IPO11: variants seen among roughly 807,000 people sequenced by gnomAD.
IPO11 encodes importin 11.
IPO11 carries 66 observed loss-of-function variants against 143.2 expected under a neutral mutation model. The observed-to-expected ratio is 0.46, with a 90% CI of 0.38 to 0.57. IPO11 has a LOEUF of 0.57. IPO11 is among the 20% of genes least tolerant of loss of function. IPO11 has a pLI of 0.00. For missense variants in IPO11, 1,026 were observed against 1,141.0 expected (o/e 0.90, Z 1.45); for synonymous variants, 385 against 377.8 (o/e 1.02, Z -0.22).
At chr5:62,482,408 T>A (rs1386699879) in intron 9 of IPO11, among the ~76,000 whole-genome samples, 1 of 152,234 alleles carries the variant, frequency 6.6e-6, no homozygotes, top group African/African-American at 2.4e-5. Flanking sequence ...TTTCCTGCTT[T>A]CTCTTGTGGA....
chr5:62,414,967 T>C (rs1479930711), intron 1 of IPO11, among the ~76,000 whole-genome samples: 1 of 152,214 alleles, frequency 6.6e-6, no homozygotes, highest in African/African-American at 2.4e-5. Flanking sequence ...ATAACCCAGA[T>C]TCCAACTCAT....
chr5:62,561,245 C>T lies in IPO11; in HGVS notation c.2570C>T (p.Pro857Leu). 1 of 1,596,812 alleles carries T rather than the reference C, an allele frequency of 6.3e-7. No homozygotes were observed. Residue 857 changes from proline to leucine, a missense_variant, in exon 27 of 30, where the codon CCA becomes CTA. By Grantham distance (98) the Pro-to-Leu change is moderately conservative (BLOSUM62 -3). This residue lies in a region of IPO11 where 351 missense variants were observed against 358.9 expected (regional missense o/e 0.98). Coordinates refer to ENST00000325324, the MANE Select transcript of IPO11 (RefSeq NM_016338.5). The part of the protein sequence containing the change: ...LSALALLSLL[P>L]SDNSVIQDKF... ...GCTTTGGCTTTGCTCTCTCTTCTGC[C>T]ATCTGATAATAGGTGAGGAAATGTT...
intron 24 of IPO11, among the ~76,000 whole-genome samples, chr5:62,545,043 G>A (rs370967783): frequency 5.1e-4 from 77 of 152,166 alleles, no homozygotes; most frequent in East Asian, 3.5e-3. Context: ...TATAGATTCA[G>A]TGCCATCCCC....
intron 7 of IPO11, among the ~76,000 whole-genome samples, chr5:62,471,659 A>T (rs570782337): frequency 6.6e-5 from 10 of 152,300 alleles, no homozygotes; most frequent in African/African-American, 1.9e-4. Context: ...TCAGCATATT[A>T]CATATATTTT....
intron 28 of IPO11, among the ~76,000 whole-genome samples, chr5:62,596,477 TAGAA>T (rs1745223840): frequency 6.6e-6 from 1 of 152,094 alleles, no homozygotes; most frequent in Non-Finnish European, 1.5e-5. Flanking sequence ...GATTTATACT[TAGAA>T]AGGTCACTTT....
chr5:62,573,206 T>G lies in IPO11; in HGVS notation c.2582+11949T>G, dbSNP rs553157596. ...CTACTTTAAAGCTTTACTCTTAATT[T>G]CTCTGTCTCATTTTTTTATCCATTG... On this transcript the variant is annotated intron_variant, in intron 27 of 29. Transcript: ENST00000325324. 6.8e-4 allele frequency among the ~76,000 whole-genome samples: 104 copies of G among 152,248 alleles called. No individual in the cohort carries two copies. The South Asian group carries it at 0.021, about 30-fold the overall frequency.
chr5:62,418,221 A>G (rs1743372511), intron 1 of IPO11, among the ~76,000 whole-genome samples: 1 of 150,918 alleles, frequency 6.6e-6, no homozygotes. Context: ...GCTGGAGTGC[A>G]GTGGCACCAT....
At chr5:62,472,529 CT>C (rs11398365) in intron 7 of IPO11, among the ~76,000 whole-genome samples, 2,697 of 131,176 alleles carry the variant, frequency 0.021, 23 homozygotes, top group Non-Finnish European at 0.031. Flanking sequence ...ATATAAAAAT[CT>C]TTTTTTTTTT....
chr5:62,423,840 T>C (rs1743601517), intron 1 of IPO11, among the ~76,000 whole-genome samples: 1 of 152,208 alleles, frequency 6.6e-6, no homozygotes, highest in Non-Finnish European at 1.5e-5. Flanking sequence ...TTTTGATTAT[T>C]GTAGAACTCT....
chr5:62,581,238 T>C (rs1424568341), intron 27 of IPO11: 9 of 1,542,094 alleles, frequency 5.8e-6, no homozygotes, highest in Non-Finnish European at 7.9e-6. Context: ...TGGAGCAGAT[T>C]CGACTTCATA....
intron 19 of IPO11, among the ~76,000 whole-genome samples, chr5:62,509,989 G>C (rs1293554770): frequency 6.6e-6 from 1 of 152,154 alleles, no homozygotes; most frequent in African/African-American, 2.4e-5. Context: ...TTCCATAGTG[G>C]CTGTAACATT....
chr5:62,486,085 A>T (rs1182947360), intron 12 of IPO11, among the ~76,000 whole-genome samples: 5 of 147,130 alleles, frequency 3.4e-5, no homozygotes. Context: ...GGTTCATGCC[A>T]TTCTCCTGCC....
chr5:62,567,805 G>A (rs556610451), intron 27 of IPO11, among the ~76,000 whole-genome samples: 4 of 150,996 alleles, frequency 2.6e-5, no homozygotes, highest in Non-Finnish European at 5.9e-5. Context: ...AAGGTGATCC[G>A]CCCACCTCAG....
intron 19 of IPO11, among the ~76,000 whole-genome samples, chr5:62,508,775 G>C (rs1186484828): frequency 2.6e-5 from 4 of 152,032 alleles, no homozygotes; most frequent in African/African-American, 9.7e-5. Context: ...CCCCCAACAG[G>C]CCCCGGTGTG....
chr5:62,447,343 G>A (rs1053788212), intron 3 of IPO11, among the ~76,000 whole-genome samples: 1 of 152,094 alleles, frequency 6.6e-6, no homozygotes, highest in Non-Finnish European at 1.5e-5. Flanking sequence ...GACTGCAAGT[G>A]ACCCTCCCAC....
chr5:62,532,630 T>C (rs1364569515), intron 22 of IPO11, among the ~76,000 whole-genome samples: 2 of 152,104 alleles, frequency 1.3e-5, no homozygotes, highest in East Asian at 3.9e-4. Flanking sequence ...TGTGCTGGGA[T>C]TACAGGCTTG....
intron 15 of IPO11, among the ~76,000 whole-genome samples, chr5:62,491,728 C>T (rs542997516): frequency 4.0e-5 from 6 of 148,632 alleles, no homozygotes; most frequent in South Asian, 2.1e-4. Flanking sequence ...TGCAGTGGCG[C>T]GATCTCGACT....
chr5:62,507,706 T>G (rs1009619650), intron 19 of IPO11, among the ~76,000 whole-genome samples: 1 of 152,220 alleles, frequency 6.6e-6, no homozygotes, highest in African/African-American at 2.4e-5. Flanking sequence ...AGATGGAAAT[T>G]TCTTAGATAA....
chr5:62,446,950 G>A (rs1253151448), intron 3 of IPO11, among the ~76,000 whole-genome samples: 5 of 150,720 alleles, frequency 3.3e-5, no homozygotes, highest in Admixed American at 6.6e-5. Context: ...CTGGGCAACA[G>A]AGCGAGACTC....
Sources: gnomAD v4.1 joint callset for allele counts (sites outside exome capture counted in the v4.1 genomes callset) on GRCh38, gnomAD v4.1.1 for gene constraint, gnomAD v4.1.1 regional missense constraint, MANE v1.5 for transcripts, NCBI Gene and HGNC (gene_info 2026-07-23, HGNC 2026-07-21) for gene names.